Variants in RP1 observed in about 807,000 individuals in gnomAD.
RP1 encodes the protein RP1 axonemal microtubule associated, also known as oxygen-regulated protein 1.
In RP1, 16 loss-of-function variants were observed where a neutral mutation model predicts 14.8. The observed-to-expected ratio is 1.08, with a 90% CI of 0.73 to 1.65. RP1 has a LOEUF of 1.65. RP1 is among the 40% of genes most tolerant of loss of function. The pLI is 0.00. For missense variants in RP1, 2,631 were observed against 2,535.0 expected (o/e 1.04, Z -0.81); for synonymous variants, 876 against 883.6 (o/e 0.99, Z 0.15).
intron 7 of RP1, chr8:54,663,994 A>C: frequency 3.7e-6 from 3 of 810,776 alleles, no homozygotes; most frequent in Non-Finnish European, 5.2e-6. Flanking sequence ...GCAACAGATC[A>C]TCAGAACTTT....
At chr8:54,566,993 G>A (rs560845199) in intron 1 of RP1, among the ~76,000 whole-genome samples, 8 of 152,232 alleles carry the variant, frequency 5.3e-5, no homozygotes, top group Middle Eastern at 3.4e-3. Flanking sequence ...CAGGGAGCCC[G>A]GTGTGAGGTC....
At chr8:54,673,190 T>G (rs1264741521) in intron 7 of RP1, among the ~76,000 whole-genome samples, 1 of 152,224 alleles carries the variant, frequency 6.6e-6, no homozygotes. Flanking sequence ...GATTTTTTTT[T>G]CACTTAGCGA....
At chr8:54,793,618 A>G (rs1188125573) in intron 24 of RP1, among the ~76,000 whole-genome samples, 3 of 151,962 alleles carry the variant, frequency 2.0e-5, no homozygotes, top group Non-Finnish European at 2.9e-5. Flanking sequence ...CATTTGACAA[A>G]TTTCAACATG....
chr8:54,625,663 A>T lies in RP1; in HGVS notation c.1781A>T (p.Asn594Ile). 6.2e-7 allele frequency: 1 copy of T among 1,614,092 alleles called. No individual in the cohort carries two copies. The highest frequency in any genetic ancestry group is 8.5e-7 in the Non-Finnish European group (1 of 1,179,980). Residue 594 changes from asparagine (N) to isoleucine (I), a missense_variant, in exon 4 of 4, where the codon AAC becomes ATC. By Grantham distance (149) the Asn-to-Ile change is moderately radical. Transcript: ENST00000220676. Reference sequence around the variant, plus strand: ...TTGGACAACAAAACTGGTATCAAGAACTTCAAAACTTATGGTAACACCAAT... The same window carrying T: ...TTGGACAACAAAACTGGTATCAAGATCTTCAAAACTTATGGTAACACCAAT... Reference protein sequence around the residue: ...VVLDNKTGIKNFKTYGNTNDR... With the variant: ...VVLDNKTGIKIFKTYGNTNDR...
chr8:54,800,189 C>CA (rs1161498721), intron 24 of RP1, among the ~76,000 whole-genome samples: 1 of 151,900 alleles, frequency 6.6e-6, no homozygotes, highest in Non-Finnish European at 1.5e-5. Flanking sequence ...GCATTTATTC[C>CA]AAAAAGAGTG....
At chr8:54,572,890 CA>C (rs968327373) in intron 1 of RP1, among the ~76,000 whole-genome samples, 1 of 152,076 alleles carries the variant, frequency 6.6e-6, no homozygotes, top group African/African-American at 2.4e-5. Context: ...ACCAATTTTC[CA>C]AAGAGTTATT....
intron 22 of RP1, among the ~76,000 whole-genome samples, chr8:54,769,126 C>T (rs994117632): frequency 6.6e-6 from 1 of 152,042 alleles, no homozygotes; most frequent in Non-Finnish European, 1.5e-5. Flanking sequence ...GATCTCCTGA[C>T]CTCATGATCC....
intron 17 of RP1, among the ~76,000 whole-genome samples, chr8:54,730,674 T>A (rs1808773397): frequency 6.6e-6 from 1 of 152,156 alleles, no homozygotes; most frequent in Non-Finnish European, 1.5e-5. Context: ...TGATCCTGGT[T>A]AGTTTTTATC....
At chr8:54,817,060 C>T (rs891014920) in intron 24 of RP1, among the ~76,000 whole-genome samples, 2 of 151,970 alleles carry the variant, frequency 1.3e-5, no homozygotes, top group African/African-American at 2.4e-5. Flanking sequence ...GAATGACCAC[C>T]CATTCAGTCT....
chr8:54,636,434 C>A (rs1038939462), intron 3 of RP1, among the ~76,000 whole-genome samples: 4 of 152,152 alleles, frequency 2.6e-5, no homozygotes, highest in African/African-American at 9.7e-5. Flanking sequence ...AGAAAGAAAC[C>A]ATCATAAAAA....
At chr8:54,683,370 T>C (rs530690689) in intron 12 of RP1, among the ~76,000 whole-genome samples, 5 of 152,330 alleles carry the variant, frequency 3.3e-5, no homozygotes, top group African/African-American at 1.2e-4. Flanking sequence ...GGTAATGGCA[T>C]TGGCTCTATA....
intron 21 of RP1, among the ~76,000 whole-genome samples, chr8:54,758,456 A>AGGAG (rs535476830): frequency 0.012 from 1,407 of 114,306 alleles, 24 homozygotes; most frequent in African/African-American, 0.038. Context: ...GAGGGAGGGA[A>AGGAG]GGAGGGAGGG....
chr8:54,669,732 A>G (rs981147087), intron 7 of RP1, among the ~76,000 whole-genome samples: 1 of 152,212 alleles, frequency 6.6e-6, no homozygotes, highest in African/African-American at 2.4e-5. Context: ...TTACAGGGCC[A>G]TGGATGAAGC....
At chr8:54,841,170 T>C (rs554563098) in intron 25 of RP1, among the ~76,000 whole-genome samples, 5 of 152,292 alleles carry the variant, frequency 3.3e-5, no homozygotes, top group Non-Finnish European at 4.4e-5. Flanking sequence ...CCACAGTGGT[T>C]TCAGACCAAT....
chr8:54,622,028 G>A (rs1267054227), intron 2 of RP1, 89 bp from the exon 3 acceptor site: 2 of 1,274,396 alleles, frequency 1.6e-6, no homozygotes, highest in Admixed American at 1.8e-5. Context: ...AAGCCTAGGA[G>A]GTTGTTGATT....
chr8:54,760,646 C>G (rs1809616050), intron 22 of RP1, among the ~76,000 whole-genome samples: 1 of 151,982 alleles, frequency 6.6e-6, no homozygotes. Flanking sequence ...CTATATTTCC[C>G]CCTCCAATTT....
chr8:54,566,832 A>C (rs954548218), intron 1 of RP1, among the ~76,000 whole-genome samples: 3 of 152,242 alleles, frequency 2.0e-5, no homozygotes, highest in Non-Finnish European at 2.9e-5. Flanking sequence ...GCTCAAACCA[A>C]CAACTAGTAA....
intron 5 of RP1, chr8:54,652,920 C>T (rs1288685879): frequency 2.4e-6 from 3 of 1,262,944 alleles, no homozygotes; most frequent in Admixed American, 4.0e-5. Context: ...GCATATTCCT[C>T]TCAGGAGTCA....
intron 24 of RP1, among the ~76,000 whole-genome samples, chr8:54,806,614 A>G (rs1810858606): frequency 6.6e-6 from 1 of 152,160 alleles, no homozygotes; most frequent in Admixed American, 6.5e-5. Context: ...TGTGAACATA[A>G]GTGTTTTAAG....
Sources: allele counts gnomAD v4.1 joint callset (sites outside exome capture counted in the v4.1 genomes callset), GRCh38; gene constraint gnomAD v4.1.1; transcripts MANE v1.5; gene names NCBI Gene and HGNC (gene_info 2026-07-23, HGNC 2026-07-21).